Variants in UBE3D observed in about 807,000 individuals in gnomAD.
UBE3D encodes ubiquitin protein ligase E3D, also known as E3 ubiquitin-protein ligase E3D.
A neutral mutation model predicts 49.6 loss-of-function variants in UBE3D; 48 were observed. The ratio of observed to expected loss-of-function variants is 0.97; its 90% CI spans 0.77 to 1.23. The LOEUF (loss-of-function observed/expected upper bound fraction) is 1.23. Among genes scored for constraint, UBE3D ranks in the 50% most tolerant of loss-of-function variants. The pLI, the probability that UBE3D is intolerant of heterozygous loss-of-function variation, is 0.00. For synonymous variants in UBE3D, 189 were observed against 174.2 expected (o/e 1.08, Z -0.67); for missense variants, 452 against 468.4 (o/e 0.96, Z 0.32).
intron 3 of UBE3D, among the ~76,000 whole-genome samples, chr6:83,046,558 G>A (rs967597057): frequency 8.6e-5 from 13 of 151,380 alleles, no homozygotes; most frequent in South Asian, 2.1e-4. Context: ...CATACAGTCC[G>A]TCTCTCTTAA....
At chr6:83,058,568 A>G (rs1783965815) in intron 1 of UBE3D, among the ~76,000 whole-genome samples, 1 of 152,236 alleles carries the variant, frequency 6.6e-6, no homozygotes, top group Admixed American at 6.5e-5. Context: ...AGAGGGGATA[A>G]AGGCATCTAT....
intron 9 of UBE3D, among the ~76,000 whole-genome samples, chr6:82,912,073 T>C (rs1206933180): frequency 6.6e-6 from 1 of 152,146 alleles, no homozygotes; most frequent in Non-Finnish European, 1.5e-5. Flanking sequence ...GTTCTGAAGT[T>C]CTGATAAGGA....
chr6:82,928,640 T>C (rs1278951351), intron 9 of UBE3D, among the ~76,000 whole-genome samples: 1 of 152,196 alleles, frequency 6.6e-6, no homozygotes, highest in Non-Finnish European at 1.5e-5. Flanking sequence ...TCATTTTATT[T>C]GCAGAGTAGA....
At chr6:83,010,429 T>A (rs1452006945) in intron 8 of UBE3D, among the ~76,000 whole-genome samples, 2 of 152,180 alleles carry the variant, frequency 1.3e-5, no homozygotes, top group African/African-American at 4.8e-5. Context: ...TATATCTTAA[T>A]GCAATATACA....
chr6:82,982,191 T>C (rs1562148523), intron 8 of UBE3D, among the ~76,000 whole-genome samples: 1 of 152,178 alleles, frequency 6.6e-6, no homozygotes, highest in Non-Finnish European at 1.5e-5. Context: ...TCCCACCCAA[T>C]ACTCTCAACC....
intron 4 of UBE3D, among the ~76,000 whole-genome samples, chr6:83,042,652 G>C (rs1441616217): frequency 6.6e-6 from 1 of 152,156 alleles, no homozygotes; most frequent in Admixed American, 6.5e-5. Context: ...TCAGAGAGGT[G>C]GATTAGCCTC....
chr6:83,037,594 C>T (rs2127802970), intron 5 of UBE3D: 2 of 151,988 alleles, frequency 1.3e-5, no homozygotes, highest in East Asian at 3.9e-4. Context: ...ATTAAACAAA[C>T]AAATAAACAA....
chr6:83,049,134 T>G (rs543598003), intron 3 of UBE3D, among the ~76,000 whole-genome samples: 1 of 152,240 alleles, frequency 6.6e-6, no homozygotes, highest in Non-Finnish European at 1.5e-5. Context: ...GCCCCTTTAA[T>G]AGAGGCAAAG....
intron 4 of UBE3D, among the ~76,000 whole-genome samples, chr6:83,041,139 G>A (rs932709746): frequency 2.6e-5 from 4 of 152,144 alleles, no homozygotes; most frequent in African/African-American, 7.2e-5. Context: ...TATTGGTATT[G>A]TAATAGCAAT....
At chr6:83,058,140 C>T in intron 1 of UBE3D, 118 bp from the exon 2 acceptor site, 1 of 985,150 alleles carries the variant, frequency 1.0e-6, no homozygotes. Flanking sequence ...TCTAAAGTCA[C>T]TGCCCCAGAA....
At chr6:82,928,575 A>T (rs536004050) in intron 9 of UBE3D, among the ~76,000 whole-genome samples, 1 of 152,286 alleles carries the variant, frequency 6.6e-6, no homozygotes, top group East Asian at 1.9e-4. Context: ...CATTTAGAAA[A>T]CAAGATTCAT....
At chr6:83,011,736 C>T (rs926568174) in intron 8 of UBE3D, among the ~76,000 whole-genome samples, 2 of 152,070 alleles carry the variant, frequency 1.3e-5, no homozygotes, top group Non-Finnish European at 1.5e-5. Flanking sequence ...TTTGTCTCCT[C>T]GTGGCAGCGT....
At position 83,065,826 on chromosome 6, in the gene UBE3D, C is replaced by A; in HGVS notation, c.-108G>T. ...GGACCAACCAGCGGCAGCCCCGCTG[C>A]GGCGCAGGCGCCTGTGCCAGATCGC... On this transcript the variant is annotated 5_prime_UTR_variant, in exon 1 of 10. Transcript: ENST00000369747. The A allele has an allele frequency of 8.6e-7, 1 of 1,160,128 alleles. No homozygotes were observed. Among genetic ancestry groups the A allele is most frequent in the Non-Finnish European group, 1.2e-6 (1 of 815,872 alleles). 71.9% of individuals were successfully genotyped at this position (1,160,128 alleles called of 1,614,324 possible).
At chr6:82,955,186 T>C (rs1776076399) in intron 9 of UBE3D, among the ~76,000 whole-genome samples, 1 of 152,206 alleles carries the variant, frequency 6.6e-6, no homozygotes, top group Admixed American at 6.5e-5. Context: ...GGGCAAGGCC[T>C]TCTGGGTCTC....
At chr6:83,038,537 A>T (rs1406331507) in intron 4 of UBE3D, 52 bp from the exon 5 acceptor site, 2 of 1,492,584 alleles carry the variant, frequency 1.3e-6, no homozygotes, top group Admixed American at 3.7e-5. Context: ...TCTTAAAAGG[A>T]ATATATAATT....
intron 8 of UBE3D, among the ~76,000 whole-genome samples, chr6:82,994,014 T>C (rs1210470172): frequency 1.3e-5 from 2 of 152,078 alleles, no homozygotes; most frequent in Non-Finnish European, 2.9e-5. Context: ...CTATTTGAAA[T>C]TGCTAAAAGG....
intron 5 of UBE3D, among the ~76,000 whole-genome samples, chr6:83,032,650 G>A (rs1037466913): frequency 2.0e-5 from 3 of 152,114 alleles, no homozygotes; most frequent in Admixed American, 2.0e-4. Flanking sequence ...GAGCAGCCAG[G>A]GACAGAATGA....
chr6:82,931,939 C>A (rs576644673), intron 9 of UBE3D, among the ~76,000 whole-genome samples: 1 of 152,168 alleles, frequency 6.6e-6, no homozygotes, highest in African/African-American at 2.4e-5. Flanking sequence ...GTGGGAGGGA[C>A]CCGGTGTGAG....
At chr6:82,990,567 C>T (rs760997468) in intron 8 of UBE3D, among the ~76,000 whole-genome samples, 1 of 152,100 alleles carries the variant, frequency 6.6e-6, no homozygotes, top group Non-Finnish European at 1.5e-5. Flanking sequence ...CATGAGCCAC[C>T]ACACCTGGCC....
Sources: allele counts gnomAD v4.1 joint callset (sites outside exome capture counted in the v4.1 genomes callset), GRCh38; gene constraint gnomAD v4.1.1; transcripts MANE v1.5; gene names NCBI Gene and HGNC (gene_info 2026-07-23, HGNC 2026-07-21).